Variants in CPA6 observed in about 807,000 individuals in gnomAD.
CPA6 encodes the protein carboxypeptidase B.
Under a neutral mutation model 63.3 loss-of-function variants are expected in CPA6, and 58 were observed. That is an observed-to-expected ratio of 0.92 (90% confidence interval 0.74 to 1.14). CPA6 has a LOEUF of 1.14. Ranked by LOEUF, CPA6 falls within the 50% of genes most tolerant of loss-of-function variation. The pLI is 0.00. For missense variants in CPA6, 565 were observed against 526.6 expected, an observed-to-expected ratio of 1.07 and a Z score of -0.71; for synonymous variants, 185 against 179.0, an observed-to-expected ratio of 1.03 and a Z score of -0.27.
intron 2 of CPA6, among the ~76,000 whole-genome samples, chr8:67,586,422 TAGTA>T (rs1212784351): frequency 2.0e-5 from 3 of 152,148 alleles, no homozygotes; most frequent in Non-Finnish European, 4.4e-5. Context: ...AGCTCTTGGG[TAGTA>T]AGTATTATTA....
At chr8:67,668,193 T>C (rs1187944368) in intron 1 of CPA6, among the ~76,000 whole-genome samples, 1 of 152,272 alleles carries the variant, frequency 6.6e-6, no homozygotes, top group Admixed American at 6.5e-5. Context: ...ATTCCTTTTA[T>C]GGCTAGAAAA....
At chr8:67,424,719 T>C (rs1482481414) in intron 10 of CPA6, among the ~76,000 whole-genome samples, 1 of 152,228 alleles carries the variant, frequency 6.6e-6, no homozygotes, top group East Asian at 1.9e-4. Context: ...TCAACCACTT[T>C]CAATCTGGCT....
intron 1 of CPA6, among the ~76,000 whole-genome samples, chr8:67,701,209 G>A (rs1364050779): frequency 6.6e-6 from 1 of 152,158 alleles, no homozygotes; most frequent in Non-Finnish European, 1.5e-5. Context: ...GAAACTGATA[G>A]ATACAATCCT....
chr8:67,440,842 C>T (rs953767786), intron 8 of CPA6, among the ~76,000 whole-genome samples: 2 of 152,092 alleles, frequency 1.3e-5, no homozygotes, highest in African/African-American at 4.8e-5. Context: ...TCACTGTTGA[C>T]AAAAACATTG....
At position 67,550,378 on chromosome 8, in the gene CPA6, C is replaced by CT. The variant is rs765029924; in HGVS notation, c.193-32332dup. ...TTGCTGCAGAGGACATTATTTCATT[C>CT]TTTTTTATGGTTGCATAGTATTCCA... is the stretch of plus-strand genomic sequence containing the variant. On this transcript the variant is annotated intron_variant, in intron 2 of 10. Transcript: ENST00000297770. Among the ~76,000 whole-genome samples the CT allele has an allele frequency of 4.3e-4, 65 of 152,120 alleles. 1 individual carries two copies. Among genetic ancestry groups the CT allele is most frequent in the Non-Finnish European group, 5.3e-4 (36 of 68,026 alleles).
intron 8 of CPA6, among the ~76,000 whole-genome samples, chr8:67,454,918 G>T (rs76979455): frequency 6.6e-6 from 1 of 152,134 alleles, no homozygotes; most frequent in African/African-American, 2.4e-5. Flanking sequence ...GGATATAATC[G>T]TAAAGTGTGC....
chr8:67,664,240 G>A (rs928328711), intron 1 of CPA6, among the ~76,000 whole-genome samples: 1 of 149,108 alleles, frequency 6.7e-6, no homozygotes, highest in Admixed American at 6.6e-5. Flanking sequence ...TTGATTCGAT[G>A]GTTCAGGGTC....
chr8:67,702,896 G>A (rs1281642941), intron 1 of CPA6, among the ~76,000 whole-genome samples: 2 of 152,082 alleles, frequency 1.3e-5, no homozygotes, highest in African/African-American at 4.8e-5. Context: ...TGCCTGCTTG[G>A]CCCTCTTCCA....
At chr8:67,436,064 C>T (rs1331360171) in intron 8 of CPA6, among the ~76,000 whole-genome samples, 1 of 151,864 alleles carries the variant, frequency 6.6e-6, no homozygotes, top group Non-Finnish European at 1.5e-5. Context: ...GCCAGCTTGC[C>T]TCCTGCACCC....
intron 10 of CPA6, among the ~76,000 whole-genome samples, chr8:67,423,478 C>T (rs1483464934): frequency 6.6e-6 from 1 of 152,168 alleles, no homozygotes; most frequent in Non-Finnish European, 1.5e-5. Context: ...TTCCAGATTC[C>T]TCCGTTTTCT....
intron 1 of CPA6, among the ~76,000 whole-genome samples, chr8:67,661,431 T>A (rs1816106834): frequency 6.6e-6 from 1 of 152,174 alleles, no homozygotes; most frequent in Non-Finnish European, 1.5e-5. Context: ...CGCTGTGTGA[T>A]CTGAGTGGAA....
intron 1 of CPA6, among the ~76,000 whole-genome samples, chr8:67,662,553 T>C (rs1195430911): frequency 7.0e-6 from 1 of 142,628 alleles, no homozygotes; most frequent in East Asian, 2.1e-4. Context: ...CATACACACG[T>C]ATATGTATAT....
intron 6 of CPA6, among the ~76,000 whole-genome samples, chr8:67,486,615 G>C (rs537797614): frequency 9.9e-4 from 151 of 152,108 alleles, no homozygotes; most frequent in African/African-American, 3.4e-3. Flanking sequence ...TTCGTATTTT[G>C]TCCTTGTCTG....
chr8:67,645,964 C>T (rs1041793683), intron 1 of CPA6, among the ~76,000 whole-genome samples: 21 of 152,152 alleles, frequency 1.4e-4, no homozygotes, highest in African/African-American at 4.1e-4. Flanking sequence ...TCTACCCTGC[C>T]TTAACTCTGC....
At chr8:67,590,659 A>C (rs1189013822) in intron 2 of CPA6, among the ~76,000 whole-genome samples, 1 of 152,008 alleles carries the variant, frequency 6.6e-6, no homozygotes, top group Non-Finnish European at 1.5e-5. Flanking sequence ...GCATTTTTTC[A>C]TGTGTCTTTT....
intron 9 of CPA6, among the ~76,000 whole-genome samples, chr8:67,432,117 C>A (rs1351209902): frequency 7.2e-5 from 11 of 152,152 alleles, no homozygotes. Flanking sequence ...TGACTTGGGG[C>A]TGGAGGCCGC....
At chr8:67,699,341 G>A (rs766122222) in intron 1 of CPA6, among the ~76,000 whole-genome samples, 32 of 151,984 alleles carry the variant, frequency 2.1e-4, no homozygotes, top group Non-Finnish European at 1.8e-4. Flanking sequence ...GCCTGAACCC[G>A]GGAGGTGGAG....
Position 67,656,165 on chromosome 8 carries a change from G to T in CPA6, c.117-31914C>A, listed in dbSNP as rs891897828. Among the ~76,000 whole-genome samples the T allele has an allele frequency of 7.9e-5, 12 of 152,104 alleles. No individual in the cohort carries two copies. In the South Asian group the frequency reaches 2.5e-3, roughly 32 times the overall value. On this transcript the variant is annotated intron_variant, in intron 1 of 10. Transcript: ENST00000297770. ...CTCTAAACAGAGTTGTGTGAGAAAA[G>T]AATTCTGGAGAAGAAAGGGCTGGCT...
At chr8:67,709,671 A>G (rs1410579881) in intron 1 of CPA6, among the ~76,000 whole-genome samples, 1 of 152,256 alleles carries the variant, frequency 6.6e-6, no homozygotes, top group Non-Finnish European at 1.5e-5. Flanking sequence ...TGGTCAGGTC[A>G]TAATTTGGTT....
Sources: allele counts gnomAD v4.1 joint callset (sites outside exome capture counted in the v4.1 genomes callset), GRCh38; gene constraint gnomAD v4.1.1; transcripts MANE v1.5; gene names NCBI Gene and HGNC (gene_info 2026-07-23, HGNC 2026-07-21).